The following PALLD variants were observed in gnomAD, a reference collection of about 807,000 sequenced individuals.
PALLD encodes the protein palladin, cytoskeletal associated protein.
PALLD carries 61 observed loss-of-function variants against 123.5 expected under a neutral mutation model. That is an observed-to-expected ratio of 0.49 (90% confidence interval 0.40 to 0.61). The LOEUF is 0.61. Among genes scored for constraint, PALLD ranks in the 20% least tolerant of loss-of-function variants. The pLI, the probability that PALLD is intolerant of heterozygous loss-of-function variation, is 0.00. For missense variants in PALLD, 1,273 were observed against 1,377.0 expected (o/e 0.92, Z 1.20); for synonymous variants, 465 against 496.4 (o/e 0.94, Z 0.84).
intron 12 of PALLD, among the ~76,000 whole-genome samples, chr4:168,895,946 C>T (rs1364395312): frequency 6.6e-6 from 1 of 152,170 alleles, no homozygotes; most frequent in Non-Finnish European, 1.5e-5. Context: ...CAGTGGCTTA[C>T]GCCTGTGATC....
intron 15 of PALLD, among the ~76,000 whole-genome samples, 155 bp from the exon 16 acceptor site, chr4:168,913,772 A>G (rs1356729790): frequency 6.6e-6 from 1 of 152,162 alleles, no homozygotes; most frequent in African/African-American, 2.4e-5. Context: ...ACTCACAGGG[A>G]AAGTGTTTTT....
In PALLD at chr4:168,696,540, G is replaced by GA. The variant is rs528107538; in HGVS notation, c.1501+5255dup. ...GAAAACCTCTAGCATGAATGATATAGAAAAAAACAAGTGACCTTCCTAAAA... is the reference window on the plus strand; with the variant it reads ...GAAAACCTCTAGCATGAATGATATAGAAAAAAAACAAGTGACCTTCCTAAAA... On this transcript the variant is annotated intron_variant, in intron 8 of 21. Transcript: ENST00000505667. Among the ~76,000 whole-genome samples, 29 of 151,904 alleles carry GA rather than the reference G, an allele frequency of 1.9e-4. No homozygotes were observed. The East Asian group carries it at 2.5e-3, about 13-fold the overall frequency.
At chr4:168,633,114 TTCTA>T (rs1775998943) in intron 2 of PALLD, among the ~76,000 whole-genome samples, 1 of 152,216 alleles carries the variant, frequency 6.6e-6, no homozygotes. Flanking sequence ...GAAAAAGACT[TTCTA>T]TCAGCCCTTC....
At chr4:168,868,842 A>G (rs1296365276) in intron 10 of PALLD, among the ~76,000 whole-genome samples, 1 of 152,236 alleles carries the variant, frequency 6.6e-6, no homozygotes, top group East Asian at 1.9e-4. Flanking sequence ...AGGGATGGGA[A>G]GAATGGGTCC....
intron 1 of PALLD, among the ~76,000 whole-genome samples, chr4:168,510,541 G>A (rs1762436337): frequency 6.6e-6 from 1 of 152,112 alleles, no homozygotes; most frequent in South Asian, 2.1e-4. Flanking sequence ...TCTGGATGAA[G>A]GGTCAGCAAA....
intron 10 of PALLD, among the ~76,000 whole-genome samples, chr4:168,751,192 A>G (rs977462538): frequency 6.6e-6 from 1 of 151,888 alleles, no homozygotes; most frequent in African/African-American, 2.4e-5. Flanking sequence ...TTGTATTTTT[A>G]GTAGAGACAG....
intron 3 of PALLD, 130 bp from the exon 4 acceptor site, chr4:168,681,202 T>C (rs1008948752): frequency 1.5e-6 from 1 of 645,464 alleles, no homozygotes; most frequent in South Asian, 1.7e-5. Flanking sequence ...CCTGAATCAC[T>C]CTATTTTATT....
chr4:168,885,676 G>A (rs1753238864), intron 10 of PALLD, among the ~76,000 whole-genome samples: 1 of 152,196 alleles, frequency 6.6e-6, no homozygotes, highest in African/African-American at 2.4e-5. Flanking sequence ...GCTTGTTGAA[G>A]AGAATCTTTG....
At chr4:168,918,854 C>T (rs890967741) in intron 17 of PALLD, among the ~76,000 whole-genome samples, 1 of 151,740 alleles carries the variant, frequency 6.6e-6, no homozygotes, top group Non-Finnish European at 1.5e-5. Flanking sequence ...TTTGAGTTAA[C>T]CAGGGAAATT....
chr4:168,796,754 C>T (rs1325000053), intron 10 of PALLD, among the ~76,000 whole-genome samples: 2 of 152,148 alleles, frequency 1.3e-5, no homozygotes, highest in Non-Finnish European at 1.5e-5. Flanking sequence ...TAGAATTTCT[C>T]ATAAAAATGC....
intron 10 of PALLD, among the ~76,000 whole-genome samples, chr4:168,820,320 A>T (rs887103366): frequency 6.6e-6 from 1 of 152,220 alleles, no homozygotes; most frequent in African/African-American, 2.4e-5. Flanking sequence ...AGAGGAGGAA[A>T]CTGAGGCACA....
chr4:168,764,684 GCTTCTCAGATT>G (rs1163823705), intron 10 of PALLD, among the ~76,000 whole-genome samples: 2 of 152,010 alleles, frequency 1.3e-5, no homozygotes, highest in Non-Finnish European at 2.9e-5. Context: ...AAGCCTTACA[GCTTCTCAGATT>G]CTTCTCAGAT....
At chr4:168,903,718 C>G (rs1239737711) in intron 14 of PALLD, 39 bp from the exon 15 acceptor site, 1 of 1,546,330 alleles carries the variant, frequency 6.5e-7, no homozygotes, top group Admixed American at 1.7e-5. Flanking sequence ...AGTAGGAATA[C>G]ACAAACTCCT....
At chr4:168,908,463 A>G (rs1430572851) in intron 15 of PALLD, among the ~76,000 whole-genome samples, 1 of 152,180 alleles carries the variant, frequency 6.6e-6, no homozygotes, top group East Asian at 1.9e-4. Context: ...GAATTAAGAC[A>G]TGAGTTTAAA....
intron 10 of PALLD, among the ~76,000 whole-genome samples, chr4:168,759,179 C>CAAAA (rs1175955888): frequency 1.1e-4 from 1 of 9,050 alleles, no homozygotes; most frequent in African/African-American, 8.4e-4. Context: ...GACTCCATCT[C>CAAAA]AAAAAAAAAA....
At chr4:168,870,136 GAGT>G (rs1290183470) in intron 10 of PALLD, among the ~76,000 whole-genome samples, 1 of 152,200 alleles carries the variant, frequency 6.6e-6, no homozygotes, top group Admixed American at 6.5e-5. Context: ...ACATCCAAAA[GAGT>G]AGTGGCAGAA....
chr4:168,816,355 C>T (rs1313749628), intron 10 of PALLD, among the ~76,000 whole-genome samples: 1 of 149,574 alleles, frequency 6.7e-6, no homozygotes, highest in Non-Finnish European at 1.5e-5. Flanking sequence ...GTTATTGGCA[C>T]ATCTACTTAG....
chr4:168,722,506 AG>A (rs1284244756), intron 10 of PALLD, among the ~76,000 whole-genome samples: 1 of 152,226 alleles, frequency 6.6e-6, no homozygotes, highest in East Asian at 1.9e-4. Flanking sequence ...CAATAATGTC[AG>A]GAAAGTATGC....
At chr4:168,599,696 C>A (rs1037999892) in intron 2 of PALLD, among the ~76,000 whole-genome samples, 2 of 152,120 alleles carry the variant, frequency 1.3e-5, no homozygotes, top group Non-Finnish European at 2.9e-5. Context: ...GCCATGAGTT[C>A]AAGGTTGTAG....
Sources: gnomAD v4.1 joint callset for allele counts (sites outside exome capture counted in the v4.1 genomes callset) on GRCh38, gnomAD v4.1.1 for gene constraint, MANE v1.5 for transcripts, NCBI Gene and HGNC (gene_info 2026-07-23, HGNC 2026-07-21) for gene names.